COBL: variants seen among roughly 807,000 people sequenced by gnomAD.
The protein encoded by COBL is cordon-bleu WH2 repeat protein.
A neutral mutation model predicts 98.8 loss-of-function variants in COBL; 51 were observed. That is an observed-to-expected ratio of 0.52 (90% CI 0.41 to 0.65). COBL has a LOEUF of 0.65. Among genes scored for constraint, COBL ranks in the 30% least tolerant of loss-of-function variants. COBL has a pLI of 0.00. For missense variants in COBL, 1,617 were observed against 1,617.5 expected (o/e 1.00, Z 0.01); for synonymous variants, 634 against 651.7 (o/e 0.97, Z 0.41).
At chr7:51,258,205 C>T (rs926792909) in intron 1 of COBL, among the ~76,000 whole-genome samples, 1 of 152,110 alleles carries the variant, frequency 6.6e-6, no homozygotes, top group African/African-American at 2.4e-5. Context: ...ATGGTTAAAA[C>T]CATATACTTT....
intron 7 of COBL, 107 bp downstream of exon 7, chr7:51,085,059 G>T: frequency 6.6e-7 from 1 of 1,526,598 alleles, no homozygotes; most frequent in Non-Finnish European, 8.9e-7. Context: ...TATTTTTTGG[G>T]TTAATGTCAT....
intron 1 of COBL, among the ~76,000 whole-genome samples, chr7:51,276,573 G>A (rs1242079854): frequency 6.6e-6 from 1 of 152,176 alleles, no homozygotes; most frequent in Non-Finnish European, 1.5e-5. Flanking sequence ...CAAGCTTTAA[G>A]GAACACCTCC....
At chr7:51,164,218 G>A (rs1375990863) in intron 5 of COBL, among the ~76,000 whole-genome samples, 2 of 151,906 alleles carry the variant, frequency 1.3e-5, no homozygotes, top group Admixed American at 1.3e-4. Flanking sequence ...TATTGAAAAG[G>A]ATAATATCAG....
intron 5 of COBL, among the ~76,000 whole-genome samples, chr7:51,149,924 C>A (rs1785400302): frequency 6.6e-6 from 1 of 152,100 alleles, no homozygotes; most frequent in Non-Finnish European, 1.5e-5. Context: ...TGCAACCAGC[C>A]CAGAATGTCT....
At chr7:51,095,575 T>TC (rs202063708) in intron 6 of COBL, among the ~76,000 whole-genome samples, 1 of 60,980 alleles carries the variant, frequency 1.6e-5, no homozygotes, top group Admixed American at 1.6e-4. Flanking sequence ...AAATATATAA[T>TC]CAAAATATTT....
intron 8 of COBL, among the ~76,000 whole-genome samples, chr7:51,036,336 CAAAAAA>C (rs59610375): frequency 5.3e-5 from 5 of 94,210 alleles, no homozygotes; most frequent in East Asian, 5.0e-4. Context: ...GACTCCGTCT[CAAAAAA>C]AAAAAAAAAA....
In COBL at chr7:51,178,302, A is replaced by C. The variant is rs183125913; in HGVS notation, c.783+5800T>G. 3.0e-3 allele frequency among the ~76,000 whole-genome samples: 452 copies of C among 152,312 alleles called. 1 individual carries two copies. The highest frequency in any genetic ancestry group is 4.6e-3 in the Non-Finnish European group (315 of 68,022). On this transcript the variant is annotated intron_variant, in intron 5 of 12. Transcript: ENST00000265136. ...ATGAAATACAAAAATGATAGATAAA[A>C]CTAAATGGGTATAGGAAGTTAGAAA...
intron 1 of COBL, among the ~76,000 whole-genome samples, chr7:51,242,648 T>C (rs1795898308): frequency 6.6e-6 from 1 of 152,154 alleles, no homozygotes; most frequent in African/African-American, 2.4e-5. Context: ...TGCTGTTGAA[T>C]GTTATGATCT....
intron 2 of COBL, among the ~76,000 whole-genome samples, chr7:51,213,383 C>T (rs1434837769): frequency 2.0e-5 from 3 of 152,146 alleles, no homozygotes; most frequent in African/African-American, 7.2e-5. Context: ...TTGTGAACTG[C>T]GTATGTGCTC....
chr7:51,151,068 T>C (rs552920244), intron 5 of COBL, among the ~76,000 whole-genome samples: 1 of 152,258 alleles, frequency 6.6e-6, no homozygotes, highest in East Asian at 1.9e-4. Context: ...AAGCACCCTG[T>C]GCTTGCATGA....
intron 1 of COBL, among the ~76,000 whole-genome samples, chr7:51,273,628 TCTGAGTG>T (rs1464079519): frequency 6.6e-6 from 1 of 152,186 alleles, no homozygotes; most frequent in Non-Finnish European, 1.5e-5. Flanking sequence ...CTCTTGCCTG[TCTGAGTG>T]ACTGGACAGC....
At chr7:51,200,453 A>G (rs903753368) in intron 2 of COBL, among the ~76,000 whole-genome samples, 1 of 152,238 alleles carries the variant, frequency 6.6e-6, no homozygotes, top group African/African-American at 2.4e-5. Context: ...AATACAACAC[A>G]GAAAAATAAA....
rs1201324439 is a variant in COBL at position 51,126,031 on chromosome 7, T to C, written c.957+10127A>G. ...TGAATGCCTTTTAGTTTTTTTCTCT[T>C]AAAATATGGTGTTCAGGCTGAGTGT... On this transcript the variant is annotated intron_variant, in intron 6 of 12. Transcript: ENST00000265136. Among the ~76,000 whole-genome samples, 3 of 152,124 alleles carry C rather than the reference T, an allele frequency of 2.0e-5. No individual in the cohort carries two copies. The South Asian group carries it at 6.2e-4, about 32-fold the overall frequency.
chr7:51,142,653 G>C (rs1320782723), intron 5 of COBL, among the ~76,000 whole-genome samples: 1 of 152,092 alleles, frequency 6.6e-6, no homozygotes, highest in Non-Finnish European at 1.5e-5. Context: ...CAAAGTGCTG[G>C]GATTGCAGGC....
At chr7:51,144,885 G>A (rs1784875830) in intron 5 of COBL, among the ~76,000 whole-genome samples, 1 of 152,218 alleles carries the variant, frequency 6.6e-6, no homozygotes, top group Non-Finnish European at 1.5e-5. Flanking sequence ...TTCATTCCTT[G>A]TTAAGGCCGA....
At chr7:51,096,049 ATC>A (rs1476776564) in intron 6 of COBL, among the ~76,000 whole-genome samples, 1 of 152,156 alleles carries the variant, frequency 6.6e-6, no homozygotes, top group African/African-American at 2.4e-5. Flanking sequence ...ACAGATACCT[ATC>A]TCTGTCTCTT....
At chr7:51,065,591 G>A (rs938274442) in intron 7 of COBL, 19 of 603,018 alleles carry the variant, frequency 3.2e-5, no homozygotes, top group Non-Finnish European at 5.0e-5. Context: ...AGGTGGCAGG[G>A]CCCAGGCCTC....
At chr7:51,210,698 C>T (rs1329362712) in intron 2 of COBL, among the ~76,000 whole-genome samples, 1 of 152,174 alleles carries the variant, frequency 6.6e-6, no homozygotes, top group Non-Finnish European at 1.5e-5. Flanking sequence ...TTGGTGTGAC[C>T]CTTCCCAGTC....
In COBL at chr7:51,043,463, C is replaced by T. The variant is rs1291381590; in HGVS notation, c.1326G>A (p.Gln442=). 1.2e-5 allele frequency: 19 copies of T among 1,614,222 alleles called. No individual in the cohort carries two copies. Among genetic ancestry groups the T allele is most frequent in the Non-Finnish European group, 1.5e-5 (18 of 1,180,040 alleles). The change falls in exon 8 of 13, where the codon CAG becomes CAA. Residue 442 remains glutamine (Q), a synonymous_variant. Transcript: ENST00000265136. ...CCAGGTCTGGGGTTCCAGCGAGGTCCTGGTCACTGCAGTCTTCCTGGTCTG... is the reference window on the plus strand; with the variant it reads ...CCAGGTCTGGGGTTCCAGCGAGGTCTTGGTCACTGCAGTCTTCCTGGTCTG... The part of the protein sequence containing the change: ...WATDQEDCSD[Q]DLAGTPDLGP...
Sources: allele counts gnomAD v4.1 joint callset (sites outside exome capture counted in the v4.1 genomes callset), GRCh38; gene constraint gnomAD v4.1.1; transcripts MANE v1.5; gene names NCBI Gene and HGNC (gene_info 2026-07-23, HGNC 2026-07-21).